Variants in NALCN observed in about 807,000 individuals in gnomAD.
NALCN encodes sodium leak channel NALCN.
In NALCN, 111 loss-of-function variants were observed where a neutral mutation model predicts 225.3. That is an observed-to-expected ratio of 0.49 (90% CI 0.42 to 0.58). The LOEUF (loss-of-function observed/expected upper bound fraction) is 0.58, where lower values mean the gene tolerates loss of function less well. NALCN is among the 20% of genes least tolerant of loss of function. The pLI, the probability that NALCN is intolerant of heterozygous loss-of-function variation, is 0.00. For synonymous variants in NALCN, 764 were observed against 769.0 expected, an observed-to-expected ratio of 0.99 and a Z score of 0.11; for missense variants, 1,378 against 2,202.4, an observed-to-expected ratio of 0.63 and a Z score of 7.49.
intron 37 of NALCN, 39 bp downstream of exon 37, chr13:101,073,544 AT>A: frequency 6.5e-7 from 1 of 1,527,244 alleles, no homozygotes; most frequent in Non-Finnish European, 9.0e-7. Context: ...TTTCATGCTG[AT>A]TCTAAGTCTA....
intron 43 of NALCN, chr13:101,057,626 C>T: frequency 2.9e-6 from 1 of 346,248 alleles, no homozygotes; most frequent in East Asian, 7.9e-5. Context: ...CATGTTTGAG[C>T]ATGCCTTGAG....
Position 101,167,035 on chromosome 13 carries a change from G to C in NALCN, c.1839+9265C>G, listed in dbSNP as rs74346991. Among the ~76,000 whole-genome samples, 90 of 152,198 alleles carry C rather than the reference G, an allele frequency of 5.9e-4. 3 individuals are homozygous for C. In the East Asian group the frequency reaches 0.017, roughly 29 times the overall value. On this transcript the variant is annotated intron_variant, in intron 15 of 43. Transcript: ENST00000251127. Reference sequence around the variant, plus strand: ...AGATCATGTGACTATATATGTGAGGGTTTACTTGTGGCCTCTCTATTCTGT... The same window carrying C: ...AGATCATGTGACTATATATGTGAGGCTTTACTTGTGGCCTCTCTATTCTGT...
In NALCN at chr13:101,289,525, CATATATAT is replaced by C. The variant is rs10549837; in HGVS notation, c.1047+2457_1047+2464del. Reference sequence around the variant, plus strand: ...GCCCCTTCTTTGTTCTGAAAATGTGCATATATATATATATATATATATATACACATATT... The same window carrying C: ...GCCCCTTCTTTGTTCTGAAAATGTGCATATATATATATATATACACATATT... On this transcript the variant is annotated intron_variant, in intron 9 of 43. Transcript: ENST00000251127. Among the ~76,000 whole-genome samples the C allele has an allele frequency of 8.5e-5, 12 of 140,854 alleles. 1 individual carries two copies. Among genetic ancestry groups the C allele is most frequent in the Non-Finnish European group, 1.5e-4 (10 of 64,830 alleles). The allele number at this position is 140,854 out of a possible 152,430, so 92.4% of individuals were successfully genotyped here. A position where few individuals can be genotyped will look rare whatever the true frequency, so the allele number is the denominator to read the frequency against.
chr13:101,083,135 A>G lies in NALCN; in HGVS notation c.3647T>C (p.Ile1216Thr). ...ITQHPFFKRTIALLVLAQSVL... is the reference protein window; with the variant it reads ...ITQHPFFKRTTALLVLAQSVL... ...CGACTGGGCCAGGACGAGTAATGCG[A>G]TTGTCCTCTTAAAAAATGGATGCTG... Residue 1216 changes from isoleucine (I) to threonine (T), a missense_variant, in exon 32 of 44, where the codon ATC becomes ACC. This residue lies in a region of NALCN where 98 missense variants were observed against 156.6 expected (regional missense o/e 0.63). Transcript: ENST00000251127. The G allele has an allele frequency of 6.2e-7, 1 of 1,614,114 alleles. No homozygotes were observed. Among genetic ancestry groups the G allele is most frequent in the Non-Finnish European group, 8.5e-7 (1 of 1,179,980 alleles).
chr13:101,286,241 T>C (rs1307225317), intron 9 of NALCN, among the ~76,000 whole-genome samples: 1 of 152,182 alleles, frequency 6.6e-6, no homozygotes. Context: ...AGTCTTTCCT[T>C]TGTATCTCTT....
At chr13:101,304,436 A>T (rs2044081824) in intron 7 of NALCN, among the ~76,000 whole-genome samples, 1 of 139,040 alleles carries the variant, frequency 7.2e-6, no homozygotes, top group Non-Finnish European at 1.6e-5. Flanking sequence ...CTTCCCTCCC[A>T]CCCCCTGACA....
At chr13:101,386,680 G>A (rs1022729691) in intron 3 of NALCN, among the ~76,000 whole-genome samples, 1 of 151,938 alleles carries the variant, frequency 6.6e-6, no homozygotes, top group East Asian at 1.9e-4. Flanking sequence ...GCTTTGACAC[G>A]TTTGTTTTGA....
intron 3 of NALCN, among the ~76,000 whole-genome samples, chr13:101,384,281 A>T (rs1344700135): frequency 6.6e-6 from 1 of 152,152 alleles, no homozygotes; most frequent in African/African-American, 2.4e-5. Flanking sequence ...CAAGAAATGG[A>T]GGGCAGAGAG....
intron 10 of NALCN, among the ~76,000 whole-genome samples, chr13:101,266,104 C>T (rs532820802): frequency 2.6e-4 from 39 of 152,292 alleles, no homozygotes; most frequent in African/African-American, 8.4e-4. Context: ...AGTATGATGA[C>T]ATCTACATCT....
intron 22 of NALCN, among the ~76,000 whole-genome samples, chr13:101,106,824 C>T (rs2035137905): frequency 6.6e-6 from 1 of 152,134 alleles, no homozygotes; most frequent in Non-Finnish European, 1.5e-5. Context: ...TATAAATTAC[C>T]CAGTCTCAGG....
intron 3 of NALCN, among the ~76,000 whole-genome samples, chr13:101,394,331 T>G (rs550668610): frequency 6.6e-6 from 1 of 152,322 alleles, no homozygotes; most frequent in African/African-American, 2.4e-5. Context: ...ATATATTGTC[T>G]CAGTAGATTC....
At chr13:101,081,029 G>A (rs1489710191) in intron 34 of NALCN, among the ~76,000 whole-genome samples, 1 of 152,118 alleles carries the variant, frequency 6.6e-6, no homozygotes, top group African/African-American at 2.4e-5. Flanking sequence ...TAGAGAAGTG[G>A]AGGCTAAATG....
At chr13:101,338,384 A>G (rs1364847291) in intron 7 of NALCN, among the ~76,000 whole-genome samples, 1 of 152,208 alleles carries the variant, frequency 6.6e-6, no homozygotes, top group Admixed American at 6.5e-5. Context: ...TCTAAAGACT[A>G]ATAAAAAATG....
intron 7 of NALCN, among the ~76,000 whole-genome samples, chr13:101,312,230 G>A (rs912129702): frequency 1.1e-4 from 16 of 151,890 alleles, no homozygotes; most frequent in South Asian, 2.1e-4. Flanking sequence ...TTTTTATTGC[G>A]TCTATTTGAT....
chr13:101,234,971 A>G (rs2041498743), intron 12 of NALCN, among the ~76,000 whole-genome samples: 1 of 152,078 alleles, frequency 6.6e-6, no homozygotes, highest in African/African-American at 2.4e-5. Context: ...TGATGACAAG[A>G]GTAGGAAACT....
intron 17 of NALCN, among the ~76,000 whole-genome samples, chr13:101,133,993 C>A (rs1344709232): frequency 6.6e-6 from 1 of 152,000 alleles, no homozygotes; most frequent in Non-Finnish European, 1.5e-5. Flanking sequence ...CATGGTGAAA[C>A]CCCGTCTCTA....
At chr13:101,375,897 C>T (rs1477927455) in intron 6 of NALCN, among the ~76,000 whole-genome samples, 1 of 152,056 alleles carries the variant, frequency 6.6e-6, no homozygotes, top group Non-Finnish European at 1.5e-5. Context: ...CATCCAGGGG[C>T]CAACATCCCA....
chr13:101,256,729 C>T (rs2042241791), intron 11 of NALCN, among the ~76,000 whole-genome samples: 1 of 151,074 alleles, frequency 6.6e-6, no homozygotes, highest in Non-Finnish European at 1.5e-5. Flanking sequence ...TAGAAATTTA[C>T]CTGCAAATAT....
intron 7 of NALCN, among the ~76,000 whole-genome samples, chr13:101,328,690 G>T (rs1398245790): frequency 6.6e-6 from 1 of 151,996 alleles, no homozygotes; most frequent in East Asian, 1.9e-4. Flanking sequence ...ATTATAATCA[G>T]TTAAATATTG....
Sources: gnomAD v4.1 joint callset for allele counts (sites outside exome capture counted in the v4.1 genomes callset) on GRCh38, gnomAD v4.1.1 for gene constraint, gnomAD v4.1.1 regional missense constraint, MANE v1.5 for transcripts, NCBI Gene and HGNC (gene_info 2026-07-23, HGNC 2026-07-21) for gene names.